Variants in ZNF442 observed in about 807,000 individuals in gnomAD.
The protein encoded by ZNF442 is zinc finger protein 442.
ZNF442 carries 45 observed loss-of-function variants against 57.0 expected under a neutral mutation model. The ratio of observed to expected loss-of-function variants is 0.79; its 90% CI spans 0.62 to 1.01. The LOEUF (loss-of-function observed/expected upper bound fraction) is 1.01, where lower values mean the gene tolerates loss of function less well. Ranked by LOEUF, ZNF442 falls within the 50% of genes least tolerant of loss-of-function variation. The pLI is 0.00. For synonymous variants in ZNF442, 213 were observed against 241.8 expected (o/e 0.88, Z 1.10); for missense variants, 690 against 756.5 (o/e 0.91, Z 1.03).
rs752064509 is a variant in ZNF442 at position 12,350,808 on chromosome 19, G to A, written c.777C>T (p.His259=). ...TGCATTCATATGGTTTCTCCCCAGTGTGTGTTCTTTCATGTCTTAGATAGG... is the reference window on the plus strand; with the variant it reads ...TGCATTCATATGGTTTCTCCCCAGTATGTGTTCTTTCATGTCTTAGATAGG... The part of the protein sequence containing the change: ...YSSYLRHERT[H]TGEKPYECKH... Residue 259 remains histidine, a synonymous_variant, in exon 6 of 6, where the codon CAC becomes CAT. Transcript: ENST00000242804. 17 of 1,613,922 alleles carry A rather than the reference G, an allele frequency of 1.1e-5. No homozygotes were observed. Among genetic ancestry groups the A allele is most frequent in the South Asian group, 2.2e-5 (2 of 91,070 alleles).
At position 12,364,887 on chromosome 19, in the gene ZNF442, G is replaced by A. The variant is rs1969504655; in HGVS notation, c.-126C>T. The A allele has an allele frequency of 6.6e-6, 1 of 152,202 alleles. No homozygotes were observed. The highest frequency in any genetic ancestry group is 1.9e-4 in the East Asian group (1 of 5,192). The allele number at this position is 152,202 out of a possible 1,614,324, so 9.4% of individuals were successfully genotyped here. ...ACCGCCGGCTTCTGCATTGTGCCTG[G>A]GGATAAGATCTCGGAGAGCTGCTCG... On this transcript the variant is annotated 5_prime_UTR_variant, in exon 2 of 6. Coordinates refer to ENST00000242804, the MANE Select transcript of ZNF442 (RefSeq NM_030824.3).
At chr19:12,372,708 C>T in the ZNF442 span, among the ~76,000 whole-genome samples, 69 of 152,296 alleles carry the variant, frequency 4.5e-4, no homozygotes, top group African/African-American at 1.6e-3. Context: ...AATAGAGTTA[C>T]ACCTTTTATG....
At chr19:12,369,381 G>A (rs1599597938), upstream of ZNF442, among the ~76,000 whole-genome samples, 2 of 152,342 alleles carry the variant, frequency 1.3e-5, no homozygotes, top group Admixed American at 1.3e-4. Flanking sequence ...CACTTTGGGA[G>A]GCCGAGGCGG....
At position 12,349,158 on chromosome 19, in the gene ZNF442, GC is replaced by G. The variant is rs1969172520; in HGVS notation, c.*542del. 1 of 150,296 alleles carries G rather than the reference GC, an allele frequency of 6.7e-6. No homozygotes were observed. The highest frequency in any genetic ancestry group is 1.5e-5 in the Non-Finnish European group (1 of 67,782). The allele number at this position is 150,296 out of a possible 1,614,324, so 9.3% of individuals were successfully genotyped here. On this transcript the variant is annotated 3_prime_UTR_variant, in exon 6 of 6. Coordinates refer to ENST00000242804, the MANE Select transcript of ZNF442 (RefSeq NM_030824.3). ...AGAGGATGCAGTGAGCTGAGATTGT[GC>G]CATTGCCCTCCAGCCTGGGCAATAA... is the stretch of plus-strand genomic sequence containing the variant.
intron 3 of ZNF442, among the ~76,000 whole-genome samples, chr19:12,354,301 G>T (rs28708852): frequency 0.048 from 7,357 of 152,186 alleles, 590 homozygotes; most frequent in African/African-American, 0.17. Context: ...ACTAATAAAA[G>T]ATGCTTCACC....
intron 4 of ZNF442, 149 bp downstream of exon 4, chr19:12,352,839 C>T: frequency 1.2e-6 from 1 of 854,154 alleles, no homozygotes; most frequent in Non-Finnish European, 1.7e-6. Flanking sequence ...TGAATATGTA[C>T]AACTGGTTGG....
rs766845359 is a variant in ZNF442, at chr19:12,350,525, A to T, written c.1060T>A (p.Cys354Ser). The part of the protein sequence containing the change: ...TGDGPHKCKI[C>S]GKGFDCPSSL... ...CTAGGACAATCAAAGCCTTTCCCAC[A>T]TATCTTACATTTATGAGGTCCATCT... The change falls in exon 6 of 6, where the codon TGT (cysteine) becomes AGT (serine). Residue 354 changes from cysteine (C) to serine (S), a missense_variant. Coordinates refer to ENST00000242804, the MANE Select transcript of ZNF442 (RefSeq NM_030824.3). The T allele has an allele frequency of 6.2e-7, 1 of 1,614,024 alleles. No individual in the cohort carries two copies. The highest frequency in any genetic ancestry group is 1.7e-5 in the Admixed American group (1 of 60,002).
At chr19:12,358,420 C>T (rs1400400552) in intron 3 of ZNF442, among the ~76,000 whole-genome samples, 4 of 152,140 alleles carry the variant, frequency 2.6e-5, no homozygotes, top group Admixed American at 2.6e-4. Context: ...GTATACACAC[C>T]ACGTTTTATT....
intron 3 of ZNF442, among the ~76,000 whole-genome samples, chr19:12,361,779 G>A (rs1483165351): frequency 6.7e-6 from 1 of 150,086 alleles, no homozygotes; most frequent in Non-Finnish European, 1.5e-5. Flanking sequence ...AGCGGAGGCT[G>A]GACTGTAGTG....
chr19:12,362,631 T>TG lies in ZNF442; in HGVS notation c.78+922dup, dbSNP rs1175063959. Among the ~76,000 whole-genome samples, 6 of 140,022 alleles carry TG rather than the reference T, an allele frequency of 4.3e-5. No homozygotes were observed. In the East Asian group the frequency reaches 6.5e-4, roughly 15 times the overall value. 91.9% of individuals were successfully genotyped at this position (140,022 alleles called of 152,430 possible). ...CCTGGCAGCCGCCCCCTCCGGGAGG[T>TG]GGGGGGCGCCTCTGCCCGGCCGCCC... is the stretch of plus-strand genomic sequence containing the variant. On this transcript the variant is annotated intron_variant, in intron 3 of 5. Coordinates refer to ENST00000242804, the MANE Select transcript of ZNF442 (RefSeq NM_030824.3).
At chr19:12,359,468 C>T (rs190594741) in intron 3 of ZNF442, among the ~76,000 whole-genome samples, 1 of 152,308 alleles carries the variant, frequency 6.6e-6, no homozygotes, top group African/African-American at 2.4e-5. Flanking sequence ...TAAAGAACCT[C>T]CAAATTCCCA....
upstream of ZNF442, among the ~76,000 whole-genome samples, chr19:12,366,412 T>C (rs1253821410): frequency 1.3e-5 from 2 of 152,194 alleles, no homozygotes; most frequent in Non-Finnish European, 2.9e-5. Context: ...CCAGAGTGTG[T>C]AACCAGCAGC....
upstream of ZNF442, chr19:12,365,692 C>G (rs1969521348): frequency 4.9e-6 from 1 of 204,268 alleles, no homozygotes. Flanking sequence ...CCACCCTCCT[C>G]CCGGCAGCGC....
intron 3 of ZNF442, among the ~76,000 whole-genome samples, chr19:12,363,114 G>A (rs758750217): frequency 6.6e-5 from 9 of 135,806 alleles, no homozygotes; most frequent in Non-Finnish European, 1.1e-4. Context: ...AGCTGAGATC[G>A]CACAACTGCA....
At chr19:12,363,316 C>G (rs186756611) in intron 3 of ZNF442, among the ~76,000 whole-genome samples, 1 of 152,188 alleles carries the variant, frequency 6.6e-6, no homozygotes, top group Non-Finnish European at 1.5e-5. Context: ...TATCTCTTTT[C>G]AATGTGACAA....
At chr19:12,356,976 A>G (rs1568488841) in intron 3 of ZNF442, among the ~76,000 whole-genome samples, 1 of 152,214 alleles carries the variant, frequency 6.6e-6, no homozygotes, top group Non-Finnish European at 1.5e-5. Context: ...CAAAAAAAGA[A>G]TATTTTCAAC....
chr19:12,357,550 G>A (rs1436845418), intron 3 of ZNF442, among the ~76,000 whole-genome samples: 1 of 151,188 alleles, frequency 6.6e-6, no homozygotes, highest in Admixed American at 6.6e-5. Flanking sequence ...ACGGGGTTTC[G>A]CCATGTTGGC....
In ZNF442 at chr19:12,352,047, T is replaced by C; in HGVS notation, c.229A>G (p.Ile77Val). ...CTGGGATTTCTGTGCTGATCTTCAATGTTTGTGTCTTCCCATTTCATTCCT... is the reference window on the plus strand; with the variant it reads ...CTGGGATTTCTGTGCTGATCTTCAACGTTTGTGTCTTCCCATTTCATTCCT... ...CIGMKWEDTN[I>V]EDQHRNPRRS... The change falls in exon 5 of 6, where the codon ATT (isoleucine) becomes GTT (valine). Residue 77 changes from isoleucine to valine, a missense_variant. Transcript: ENST00000242804. The C allele has an allele frequency of 6.2e-7, 1 of 1,613,834 alleles. No homozygotes were observed. Among genetic ancestry groups the C allele is most frequent in the Non-Finnish European group, 8.5e-7 (1 of 1,179,862 alleles).
upstream of ZNF442, among the ~76,000 whole-genome samples, chr19:12,366,846 G>A (rs1395783479): frequency 1.3e-5 from 2 of 152,152 alleles, no homozygotes; most frequent in Admixed American, 6.5e-5. Context: ...TGTTGCCCAG[G>A]CTGGTCGTGA....
Sources: gnomAD v4.1 joint callset for allele counts (sites outside exome capture counted in the v4.1 genomes callset) on GRCh38, gnomAD v4.1.1 for gene constraint, MANE v1.5 for transcripts, NCBI Gene and HGNC (gene_info 2026-07-23, HGNC 2026-07-21) for gene names.